Variants in MMP14 observed in about 807,000 individuals in gnomAD.
MMP14 encodes the protein matrix metalloproteinase-14.
A neutral mutation model predicts 64.8 loss-of-function variants in MMP14; 13 were observed. The observed-to-expected ratio is 0.20, with a 90% CI of 0.13 to 0.32. MMP14 has a LOEUF of 0.32. MMP14 is among the 10% of genes least tolerant of loss of function. MMP14 has a pLI of 1.00. For missense variants in MMP14, 594 were observed against 783.8 expected (o/e 0.76, Z 2.89); for synonymous variants, 322 against 315.9 (o/e 1.02, Z -0.20).
At position 22,843,327 on chromosome 14, in the gene MMP14, C is replaced by T. The variant is rs757197165; in HGVS notation, c.759C>T (p.Pro253=). The T allele has an allele frequency of 6.2e-7, 1 of 1,614,066 alleles. No homozygotes were observed. The highest frequency in any genetic ancestry group is 1.1e-5 in the South Asian group (1 of 91,082). Residue 253 remains proline, a synonymous_variant, in exon 5 of 10, where the codon CCC becomes CCT. Coordinates refer to ENST00000311852, the MANE Select transcript of MMP14 (RefSeq NM_004995.4). The surrounding 1 kb of genome is among the most constrained non-coding windows in gnomAD (Gnocchi z 4.8). The part of the protein sequence containing the change: ...HALGLEHSSD[P]SAIMAPFYQW... ...TGGGGCTCGAGCATTCCAGTGACCC[C>T]TCGGCCATCATGGCACCCTTTTACC...
Position 22,846,219 on chromosome 14 carries a change from G to C in MMP14, c.*180G>C, listed in dbSNP as rs748768344. Reference sequence around the variant, plus strand: ...TGACCGCCTCCCTCCCTCCTGCCCCGGCATTGCATCTTCCCTAGATAGGTC... The same window carrying C: ...TGACCGCCTCCCTCCCTCCTGCCCCCGCATTGCATCTTCCCTAGATAGGTC... On this transcript the variant is annotated 3_prime_UTR_variant, in exon 10 of 10. Transcript: ENST00000311852. The C allele has an allele frequency of 1.1e-5, 7 of 625,144 alleles. No individual in the cohort carries two copies. The highest frequency in any genetic ancestry group is 1.6e-5 in the Non-Finnish European group (6 of 367,200). The allele number at this position is 625,144 out of a possible 1,614,324, so 38.7% of individuals were successfully genotyped here.
At position 22,843,534 on chromosome 14, in the gene MMP14, C is replaced by G; in HGVS notation, c.850+116C>G. The G allele has an allele frequency of 2.8e-6, 4 of 1,415,526 alleles. No homozygotes were observed. Among genetic ancestry groups the G allele is most frequent in the Non-Finnish European group, 3.8e-6 (4 of 1,040,068 alleles). The allele number at this position is 1,415,526 out of a possible 1,614,324, so 87.7% of individuals were successfully genotyped here. A position where few individuals can be genotyped will look rare whatever the true frequency, so the allele number is the denominator to read the frequency against. On this transcript the variant is annotated intron_variant, in intron 5 of 9. Transcript: ENST00000311852. The surrounding 1 kb of genome is among the most constrained non-coding windows in gnomAD (Gnocchi z 4.8). ...CGCACCGCCCCCTGCCAACCTGCCCCTGCCTCTATCAGCTCCACTTTTGAG... is the reference window on the plus strand; with the variant it reads ...CGCACCGCCCCCTGCCAACCTGCCCGTGCCTCTATCAGCTCCACTTTTGAG...
chr14:22,841,567 C>T lies in MMP14; in HGVS notation c.185C>T (p.Ser62Leu), dbSNP rs139231227. The T allele has an allele frequency of 5.6e-6, 9 of 1,614,186 alleles. No individual in the cohort carries two copies. Among genetic ancestry groups the T allele is most frequent in the South Asian group, 4.4e-5 (4 of 91,078 alleles). Residue 62 changes from serine to leucine, a missense_variant, in exon 2 of 10, where the codon TCA (serine) becomes TTA (leucine). Physicochemically the swap from Ser to Leu is moderately radical, Grantham distance 145. Coordinates refer to ENST00000311852, the MANE Select transcript of MMP14 (RefSeq NM_004995.4). ...THTQRSPQSLSAAIAAMQKFY... is the reference protein window; with the variant it reads ...THTQRSPQSLLAAIAAMQKFY... ...ACACAGCGCTCACCCCAGTCACTCT[C>T]AGCGGCCATCGCTGCCATGCAGAAG... is the stretch of plus-strand genomic sequence containing the variant.
Position 22,840,498 on chromosome 14 carries a change from C to A in MMP14, c.109-993C>A, listed in dbSNP as rs544664987. 2.0e-3 allele frequency among the ~76,000 whole-genome samples: 310 copies of A among 152,138 alleles called. 2 individuals carry two copies. The highest frequency in any genetic ancestry group is 6.9e-3 in the African/African-American group (285 of 41,514). On this transcript the variant is annotated intron_variant, in intron 1 of 9. Coordinates refer to ENST00000311852, the MANE Select transcript of MMP14 (RefSeq NM_004995.4). ...CCTCCTCCACCCCTATGTCCCACTT[C>A]CTCTGTTGAGAATCTTTTTTTTTTT...
Position 22,842,839 on chromosome 14 carries a change from C to T in MMP14, c.688+122C>T. The T allele has an allele frequency of 1.9e-6, 2 of 1,069,128 alleles. No individual in the cohort carries two copies. Among genetic ancestry groups the T allele is most frequent in the Non-Finnish European group, 2.6e-6 (2 of 754,944 alleles). The allele number at this position is 1,069,128 out of a possible 1,614,324, so 66.2% of individuals were successfully genotyped here. A position where few individuals can be genotyped will look rare whatever the true frequency, so the allele number is the denominator to read the frequency against. On this transcript the variant is annotated intron_variant, in intron 4 of 9. Transcript: ENST00000311852. This position sits in a 1 kb window ranked among gnomAD's most constrained non-coding sequence, Gnocchi z 5.3. Reference sequence around the variant, plus strand: ...GGACCACAGAGACCTTCTGATCTAACTTCTGACAAAAGCAGGAGTCCTGTT... The same window carrying T: ...GGACCACAGAGACCTTCTGATCTAATTTCTGACAAAAGCAGGAGTCCTGTT...
Position 22,842,788 on chromosome 14 carries a change from T to C in MMP14, c.688+71T>C, listed in dbSNP as rs1163840923. The stretch of plus-strand genomic sequence containing the variant: ...CATTTGTAGGGGTGGTTCCCCTCCC[T>C]CCTTCCAAAATCTCCGGGCTAGAAG... On this transcript the variant is annotated intron_variant, in intron 4 of 9. Transcript: ENST00000311852. This position sits in a 1 kb window ranked among gnomAD's most constrained non-coding sequence, Gnocchi z 5.3. The C allele has an allele frequency of 6.8e-7, 1 of 1,467,998 alleles. No individual in the cohort carries two copies. The highest frequency in any genetic ancestry group is 9.2e-7 in the Non-Finnish European group (1 of 1,086,188). 90.9% of individuals were successfully genotyped at this position (1,467,998 alleles called of 1,614,324 possible).
At position 22,842,361 on chromosome 14, in the gene MMP14, C is replaced by T. The variant is rs2138740608; in HGVS notation, c.381-49C>T. ...AGTGCAGGGAAGGAGAATGTTGCCC[C>T]TCTTTATCCTAACACACCCCATCCT... On this transcript the variant is annotated intron_variant, in intron 3 of 9. Coordinates refer to ENST00000311852, the MANE Select transcript of MMP14 (RefSeq NM_004995.4). This position sits in a 1 kb window ranked among gnomAD's most constrained non-coding sequence, Gnocchi z 5.3. The T allele has an allele frequency of 6.4e-7, 1 of 1,566,056 alleles. No homozygotes were observed. The highest frequency in any genetic ancestry group is 1.3e-5 in the African/African-American group (1 of 74,314).
At chr14:22,845,086 A>C (rs1595016167) in intron 8 of MMP14, among the ~76,000 whole-genome samples, 165 bp from the exon 9 acceptor site, 3 of 147,338 alleles carry the variant, frequency 2.0e-5, no homozygotes, top group Non-Finnish European at 1.5e-5. Context: ...CCTCCCTTCC[A>C]CCCCCACCTT....
At position 22,842,453 on chromosome 14, in the gene MMP14, G is replaced by C. The variant is rs373465627; in HGVS notation, c.424G>C (p.Glu142Gln). The change falls in exon 4 of 10, where the codon GAG (glutamate) becomes CAG (glutamine). Residue 142 changes from glutamate (E) to glutamine (Q), a missense_variant. Physicochemically the swap from Glu to Gln is conservative, Grantham distance 29 (BLOSUM62 2). Transcript: ENST00000311852. This position sits in a 1 kb window ranked among gnomAD's most constrained non-coding sequence, Gnocchi z 5.3. ...CAAGGTGGGCGAGTATGCCACATAC[G>C]AGGCCATTCGCAAGGCGTTCCGCGT... Reference protein sequence around the residue: ...TPKVGEYATYEAIRKAFRVWE... With the variant: ...TPKVGEYATYQAIRKAFRVWE... 6.2e-7 allele frequency: 1 copy of C among 1,614,020 alleles called. No homozygotes were observed.
chr14:22,844,307 G>A (rs2039795979), intron 6 of MMP14, 64 bp from the exon 7 acceptor site: 1 of 1,596,534 alleles, frequency 6.3e-7, no homozygotes, highest in Non-Finnish European at 8.6e-7. Context: ...GGAGCTTTGG[G>A]GACTGAACCA....
rs1368918391 is a variant in MMP14 at position 22,843,401 on chromosome 14, G to T, written c.833G>T (p.Gly278Val). 6.2e-7 allele frequency: 1 copy of T among 1,613,506 alleles called. No individual in the cohort carries two copies. The highest frequency in any genetic ancestry group is 1.3e-5 in the African/African-American group (1 of 75,016). ...GTGCTGCCCGATGATGACCGCCGGGGCATCCAGCAACTTTATGGCGAGTAG... is the reference window on the plus strand; with the variant it reads ...GTGCTGCCCGATGATGACCGCCGGGTCATCCAGCAACTTTATGGCGAGTAG... ...NFVLPDDDRR[G>V]IQQLYGGESG... The change falls in exon 5 of 10, where the codon GGC (glycine) becomes GTC (valine). Residue 278 changes from glycine to valine, a missense_variant. Transcript: ENST00000311852. The surrounding 1 kb of genome is among the most constrained non-coding windows in gnomAD (Gnocchi z 4.8).
At chr14:22,840,251 G>A (rs2039763966) in intron 1 of MMP14, among the ~76,000 whole-genome samples, 1 of 152,158 alleles carries the variant, frequency 6.6e-6, no homozygotes, top group Admixed American at 6.5e-5. Context: ...ACAGGCGTCA[G>A]CCACCACGCC....
chr14:22,843,086 A>G lies in MMP14; in HGVS notation c.689-171A>G, dbSNP rs17123205. 0.034 allele frequency among the ~76,000 whole-genome samples: 5,102 copies of G among 152,250 alleles called. 282 individuals carry two copies. Among genetic ancestry groups the G allele is most frequent in the African/African-American group, 0.11 (4,723 of 41,532 alleles). ...CACCTCCACCCAGAGGAGCTTGCTGACTGGCTTTGTGCTTAAATACCAGAT... is the reference window on the plus strand; with the variant it reads ...CACCTCCACCCAGAGGAGCTTGCTGGCTGGCTTTGTGCTTAAATACCAGAT... On this transcript the variant is annotated intron_variant, in intron 4 of 9. Transcript: ENST00000311852. This position sits in a 1 kb window ranked among gnomAD's most constrained non-coding sequence, Gnocchi z 4.8.
rs1395946748 is a variant in MMP14, at chr14:22,842,978, G to A, written c.688+261G>A. On this transcript the variant is annotated intron_variant, in intron 4 of 9. Transcript: ENST00000311852. The surrounding 1 kb of genome is among the most constrained non-coding windows in gnomAD (Gnocchi z 5.3). ...GACCGATGTCATGTCTCGCTCCCGG[G>A]AGAAACTGGGGACTAGAGAGAGCCT... Among the ~76,000 whole-genome samples, 1 of 152,178 alleles carries A rather than the reference G, an allele frequency of 6.6e-6. No individual in the cohort carries two copies. Among genetic ancestry groups the A allele is most frequent in the East Asian group, 1.9e-4 (1 of 5,190 alleles).
At position 22,845,925 on chromosome 14, in the gene MMP14, C is replaced by T. The variant is rs17881739; in HGVS notation, c.1635C>T (p.Pro545=). ...GAVSAAAVVL[P]VLLLLLVLAV... ...TGAGCGCGGCTGCCGTGGTGCTGCCCGTGCTGCTGCTGCTCCTGGTGCTGG... is the reference window on the plus strand; with the variant it reads ...TGAGCGCGGCTGCCGTGGTGCTGCCTGTGCTGCTGCTGCTCCTGGTGCTGG... Residue 545 remains proline (P), a synonymous_variant, in exon 10 of 10, where the codon CCC becomes CCT. Coordinates refer to ENST00000311852, the MANE Select transcript of MMP14 (RefSeq NM_004995.4). 8,124 of 1,604,642 alleles carry T rather than the reference C, an allele frequency of 5.1e-3. 32 individuals carry two copies. The highest frequency in any genetic ancestry group is 6.4e-3 in the Non-Finnish European group (7,491 of 1,175,274).
intron 8 of MMP14, among the ~76,000 whole-genome samples, 159 bp from the exon 9 acceptor site, chr14:22,845,091 CA>C (rs2039802470): frequency 6.6e-6 from 1 of 152,180 alleles, no homozygotes; most frequent in African/African-American, 2.4e-5. Flanking sequence ...CTTCCACCCC[CA>C]CCTTCCGCCG....
intron 1 of MMP14, among the ~76,000 whole-genome samples, chr14:22,837,786 C>A (rs2039745688): frequency 1.3e-5 from 2 of 152,228 alleles, no homozygotes; most frequent in South Asian, 4.1e-4. Context: ...CTCACCCCGG[C>A]CCAGACGGTG....
chr14:22,847,642 G>A lies in MMP14; in HGVS notation c.*1603G>A, dbSNP rs1352546220. ...ACAAGGGGCATGGGGAGGGGTGGGG[G>A]TGGGGGGGCAGAGGCGTCTGACCCC... On this transcript the variant is annotated 3_prime_UTR_variant, in exon 10 of 10. Transcript: ENST00000311852. 6.7e-6 allele frequency: 1 copy of A among 150,286 alleles called. No homozygotes were observed. The highest frequency in any genetic ancestry group is 2.1e-4 in the South Asian group (1 of 4,732). 9.3% of individuals were successfully genotyped at this position (150,286 alleles called of 1,614,324 possible). A position where few individuals can be genotyped will look rare whatever the true frequency, so the allele number is the denominator to read the frequency against.
At chr14:22,845,197 C>A in intron 8 of MMP14, 54 bp from the exon 9 acceptor site, 3 of 1,364,248 alleles carry the variant, frequency 2.2e-6, no homozygotes, top group Non-Finnish European at 3.1e-6. Flanking sequence ...GGGTCTTGCG[C>A]CTCCTGAGGA....
Sources: allele counts gnomAD v4.1 joint callset (sites outside exome capture counted in the v4.1 genomes callset), GRCh38; gene constraint gnomAD v4.1.1; non-coding constraint Gnocchi (gnomAD v3.1); transcripts MANE v1.5; gene names NCBI Gene and HGNC (gene_info 2026-07-23, HGNC 2026-07-21).